ZNF396: variants seen among roughly 807,000 people sequenced by gnomAD.
ZNF396 encodes zinc finger and SCAN domain-containing protein 14.
A neutral mutation model predicts 20.5 loss-of-function variants in ZNF396; 14 were observed. That is an observed-to-expected ratio of 0.68 (90% CI 0.45 to 1.07). ZNF396 has a LOEUF of 1.07. Among genes scored for constraint, ZNF396 ranks in the 50% least tolerant of loss-of-function variants. The pLI, the probability that ZNF396 is intolerant of heterozygous loss-of-function variation, is 0.00. For missense variants in ZNF396, 347 were observed against 390.1 expected (o/e 0.89, Z 0.93); for synonymous variants, 119 against 140.6 (o/e 0.85, Z 1.08).
chr18:35,368,929 A>C lies in ZNF396; in HGVS notation c.*286T>G. 1 of 1,185,194 alleles carries C rather than the reference A, an allele frequency of 8.4e-7. No individual in the cohort carries two copies. The allele number at this position is 1,185,194 out of a possible 1,614,324, so 73.4% of individuals were successfully genotyped here. A position where few individuals can be genotyped will look rare whatever the true frequency, so the allele number is the denominator to read the frequency against. On this transcript the variant is annotated 3_prime_UTR_variant, in exon 4 of 4. Coordinates refer to ENST00000589332, the MANE Select transcript of ZNF396 (RefSeq NM_001322286.2). Reference sequence around the variant, plus strand: ...AATTCATTATATGTGTTAATAATGAAAATAGTAGAACATGTCTGAGAATGC... The same window carrying C: ...AATTCATTATATGTGTTAATAATGACAATAGTAGAACATGTCTGAGAATGC...
intron 1 of ZNF396, chr18:35,376,315 TATG>T (rs1214896202): frequency 6.6e-6 from 1 of 152,230 alleles, no homozygotes; most frequent in Non-Finnish European, 1.5e-5. Context: ...CAGAATTTAC[TATG>T]TGCCAAGCAC....
chr18:35,366,849 G>A lies in ZNF396; in HGVS notation c.*2366C>T, dbSNP rs1364936393. The A allele has an allele frequency of 6.6e-6, 1 of 152,098 alleles. No individual in the cohort carries two copies. The highest frequency in any genetic ancestry group is 2.1e-4 in the South Asian group (1 of 4,828). The allele number at this position is 152,098 out of a possible 1,614,324, so 9.4% of individuals were successfully genotyped here. The stretch of plus-strand genomic sequence containing the variant: ...CTACATAACTGCAAAATAATTCAAA[G>A]TACACAGAGACACCCTTTAAAGATT... On this transcript the variant is annotated 3_prime_UTR_variant, in exon 4 of 4. Coordinates refer to ENST00000589332, the MANE Select transcript of ZNF396 (RefSeq NM_001322286.2).
chr18:35,369,503 C>CT lies in ZNF396; in HGVS notation c.719dup (p.Arg241GlufsTer14). On this transcript the variant is annotated frameshift_variant, in exon 4 of 4. Coordinates refer to ENST00000589332, the MANE Select transcript of ZNF396 (RefSeq NM_001322286.2). LOFTEE classifies it low-confidence loss of function (END_TRUNC). ...TTTTCCAAGAAGGGTTTCCTTGTCT[C>CT]TTTTCAAACCTACCATCTTGTTCAT... is the stretch of plus-strand genomic sequence containing the variant. 1 of 1,614,132 alleles carries CT rather than the reference C, an allele frequency of 6.2e-7. No individual in the cohort carries two copies. Among genetic ancestry groups the CT allele is most frequent in the South Asian group, 1.1e-5 (1 of 91,088 alleles).
chr18:35,375,343 A>C (rs776570532), intron 1 of ZNF396, among the ~76,000 whole-genome samples: 3 of 151,734 alleles, frequency 2.0e-5, no homozygotes, highest in Non-Finnish European at 4.4e-5. Flanking sequence ...CCTTCATCTG[A>C]ATGTATTTCT....
chr18:35,376,783 G>C (rs1444278746), intron 1 of ZNF396, among the ~76,000 whole-genome samples: 2 of 152,210 alleles, frequency 1.3e-5, no homozygotes, highest in Non-Finnish European at 2.9e-5. Context: ...TAAACCTGAG[G>C]TGAGGGTAAG....
Position 35,373,930 on chromosome 18 carries a change from C to A in ZNF396, c.363G>T (p.Glu121Asp). Reference sequence around the variant, plus strand: ...CATCCTCCAGCATAGTCACAGTTTCCTCTCCATTCTCTGGATGATGCTTCT... The same window carrying A: ...CATCCTCCAGCATAGTCACAGTTTCATCTCCATTCTCTGGATGATGCTTCT... ...WVQKHHPENG[E>D]ETVTMLEDVE... The change falls in exon 2 of 4, where the codon GAG (glutamate) becomes GAT (aspartate). Residue 121 changes from glutamate (E) to aspartate (D), a missense_variant. Glu to Asp is a conservative substitution (Grantham distance 45, BLOSUM62 2). Transcript: ENST00000589332. The A allele has an allele frequency of 1.2e-6, 2 of 1,614,216 alleles. No homozygotes were observed. Among genetic ancestry groups the A allele is most frequent in the Non-Finnish European group, 1.7e-6 (2 of 1,180,044 alleles).
intron 3 of ZNF396, among the ~76,000 whole-genome samples, chr18:35,370,257 T>C (rs1474641647): frequency 6.6e-6 from 1 of 152,076 alleles, no homozygotes; most frequent in Non-Finnish European, 1.5e-5. Context: ...CCTGTATGGA[T>C]TTTATATTAC....
At position 35,369,199 on chromosome 18, in the gene ZNF396, G is replaced by C; in HGVS notation, c.*16C>G. 6.6e-7 allele frequency: 1 copy of C among 1,526,292 alleles called. No homozygotes were observed. The highest frequency in any genetic ancestry group is 8.8e-7 in the Non-Finnish European group (1 of 1,138,014). The allele number at this position is 1,526,292 out of a possible 1,614,324, so 94.5% of individuals were successfully genotyped here. On this transcript the variant is annotated 3_prime_UTR_variant, in exon 4 of 4. Coordinates refer to ENST00000589332, the MANE Select transcript of ZNF396 (RefSeq NM_001322286.2). ...TGAAATAGCTCTGAGTAAATGCTTT[G>C]ATTCCCTCATGATACTTATGGGACT...
chr18:35,376,205 T>C (rs1317938227), intron 1 of ZNF396: 5 of 152,220 alleles, frequency 3.3e-5, no homozygotes, highest in Admixed American at 3.3e-4. Context: ...TTCTAGGCCC[T>C]GTATAAAGCC....
chr18:35,374,679 T>C lies in ZNF396; in HGVS notation c.-72-315A>G. On this transcript the variant is annotated intron_variant, in intron 1 of 3. Transcript: ENST00000589332. The surrounding 1 kb of genome is among the most constrained non-coding windows in gnomAD (Gnocchi z 4.3). The stretch of plus-strand genomic sequence containing the variant: ...GCCTGGCTAATTTTTGTATTTTCAG[T>C]AGAGACAGGGTTTCACCACGTTGGC... 6.0e-6 allele frequency: 1 copy of C among 166,328 alleles called. No homozygotes were observed. The highest frequency in any genetic ancestry group is 5.6e-5 in the Admixed American group (1 of 17,768). The allele number at this position is 166,328 out of a possible 1,614,324, so 10.3% of individuals were successfully genotyped here. A position where few individuals can be genotyped will look rare whatever the true frequency, so the allele number is the denominator to read the frequency against.
intron 1 of ZNF396, among the ~76,000 whole-genome samples, chr18:35,376,968 CCGCGCCGCGCCG>C (rs1471215876): frequency 6.6e-6 from 1 of 152,098 alleles, no homozygotes; most frequent in Non-Finnish European, 1.5e-5. Flanking sequence ...CCCGCGCCCA[CCGCGCCGCGCCG>C]CGCGCCTCCC....
rs1325824605 is a variant in ZNF396 at position 35,367,436 on chromosome 18, A to C, written c.*1779T>G. The C allele has an allele frequency of 6.6e-6, 1 of 152,190 alleles. No individual in the cohort carries two copies. The highest frequency in any genetic ancestry group is 1.5e-5 in the Non-Finnish European group (1 of 68,008). The allele number at this position is 152,190 out of a possible 1,614,324, so 9.4% of individuals were successfully genotyped here. A position where few individuals can be genotyped will look rare whatever the true frequency, so the allele number is the denominator to read the frequency against. ...ATGTTTTATACTTTATGAGGAACCC[A>C]ACCAGACAAAGAAGTTTACTATGAG... On this transcript the variant is annotated 3_prime_UTR_variant, in exon 4 of 4. Coordinates refer to ENST00000589332, the MANE Select transcript of ZNF396 (RefSeq NM_001322286.2).
At position 35,369,519 on chromosome 18, in the gene ZNF396, T is replaced by C. The variant is rs2045143692; in HGVS notation, c.704A>G (p.Asp235Gly). Residue 235 changes from aspartate to glycine, a missense_variant, in exon 4 of 4, where the codon GAT becomes GGT. Coordinates refer to ENST00000589332, the MANE Select transcript of ZNF396 (RefSeq NM_001322286.2). The stretch of plus-strand genomic sequence containing the variant: ...TCCTTGTCTCTTTTCAAACCTACCA[T>C]CTTGTTCATAGGTTCCTCTATATGT... ...SSTYRGTYEQ[D>G]GRFEKRQGNP... The C allele has an allele frequency of 1.2e-6, 2 of 1,614,118 alleles. No homozygotes were observed. The highest frequency in any genetic ancestry group is 1.7e-6 in the Non-Finnish European group (2 of 1,179,966).
At position 35,376,801 on chromosome 18, in the gene ZNF396, C is replaced by T. The variant is rs558175286; in HGVS notation, c.-73+477G>A. Among the ~76,000 whole-genome samples the T allele has an allele frequency of 5.9e-5, 9 of 152,282 alleles. No homozygotes were observed. In the South Asian group the frequency reaches 1.9e-3, roughly 32 times the overall value. Reference sequence around the variant, plus strand: ...ACCTGAGGTGAGGGTAAGGAACCCCCGACACCGCACGACAACCAGAAAGAA... The same window carrying T: ...ACCTGAGGTGAGGGTAAGGAACCCCTGACACCGCACGACAACCAGAAAGAA... On this transcript the variant is annotated intron_variant, in intron 1 of 3. Transcript: ENST00000589332.
intron 3 of ZNF396, among the ~76,000 whole-genome samples, chr18:35,370,239 C>T (rs1391335112): frequency 6.6e-6 from 1 of 152,126 alleles, no homozygotes; most frequent in Non-Finnish European, 1.5e-5. Flanking sequence ...TGATGAAAAA[C>T]CTCTACTCCT....
At position 35,367,152 on chromosome 18, in the gene ZNF396, C is replaced by A. The variant is rs1363663212; in HGVS notation, c.*2063G>T. The A allele has an allele frequency of 6.6e-6, 1 of 152,146 alleles. No homozygotes were observed. Among genetic ancestry groups the A allele is most frequent in the Non-Finnish European group, 1.5e-5 (1 of 68,024 alleles). The allele number at this position is 152,146 out of a possible 1,614,324, so 9.4% of individuals were successfully genotyped here. A position where few individuals can be genotyped will look rare whatever the true frequency, so the allele number is the denominator to read the frequency against. On this transcript the variant is annotated 3_prime_UTR_variant, in exon 4 of 4. Transcript: ENST00000589332. ...TCTCCGTAATTACAAAGACAATGAGCCCCAAATAAAAAGTATCCTACATTT... is the reference window on the plus strand; with the variant it reads ...TCTCCGTAATTACAAAGACAATGAGACCCAAATAAAAAGTATCCTACATTT...
In ZNF396 at chr18:35,374,495, T is replaced by TTATG; in HGVS notation, c.-72-132_-72-131insCATA. ...CTTAGTCTTAACAGAAACCATGCTT[T>TTATG]TATTTATTTATTTATTTTTGAGATG... On this transcript the variant is annotated intron_variant, in intron 1 of 3. Transcript: ENST00000589332. This position sits in a 1 kb window ranked among gnomAD's most constrained non-coding sequence, Gnocchi z 4.3. 2.4e-6 allele frequency: 1 copy of TTATG among 418,286 alleles called. No individual in the cohort carries two copies. Among genetic ancestry groups the TTATG allele is most frequent in the Non-Finnish European group, 4.3e-6 (1 of 232,592 alleles). The allele number at this position is 418,286 out of a possible 1,614,324, so 25.9% of individuals were successfully genotyped here.
Position 35,374,051 on chromosome 18 carries a change from A to G in ZNF396, c.242T>C (p.Leu81Pro). ...SRLWELCHLWLRPEVHTKEQI... is the reference protein window; with the variant it reads ...SRLWELCHLWPRPEVHTKEQI... ...CTCCTTGGTGTGCACTTCCGGCCTCAGCCAGAGATGACAAAGTTCCCAGAG... is the reference window on the plus strand; with the variant it reads ...CTCCTTGGTGTGCACTTCCGGCCTCGGCCAGAGATGACAAAGTTCCCAGAG... Residue 81 changes from leucine (L) to proline (P), a missense_variant, in exon 2 of 4, where the codon CTG becomes CCG. Coordinates refer to ENST00000589332, the MANE Select transcript of ZNF396 (RefSeq NM_001322286.2). This position sits in a 1 kb window ranked among gnomAD's most constrained non-coding sequence, Gnocchi z 4.3. 1 of 1,614,246 alleles carries G rather than the reference A, an allele frequency of 6.2e-7. No homozygotes were observed. The highest frequency in any genetic ancestry group is 8.5e-7 in the Non-Finnish European group (1 of 1,180,042).
intron 3 of ZNF396, among the ~76,000 whole-genome samples, chr18:35,371,153 T>C (rs2143899476): frequency 6.6e-6 from 1 of 152,330 alleles, no homozygotes; most frequent in East Asian, 1.9e-4. Flanking sequence ...TGGATCTACC[T>C]GCTGTCTCTA....
Sources: allele counts gnomAD v4.1 joint callset (sites outside exome capture counted in the v4.1 genomes callset), GRCh38; gene constraint gnomAD v4.1.1; non-coding constraint Gnocchi (gnomAD v3.1); transcripts MANE v1.5; gene names NCBI Gene and HGNC (gene_info 2026-07-23, HGNC 2026-07-21).